Variants in AATF observed in about 807,000 individuals in gnomAD.
The protein encoded by AATF is protein AATF.
A neutral mutation model predicts 63.7 loss-of-function variants in AATF; 48 were observed. The observed-to-expected ratio is 0.75, with a 90% CI of 0.60 to 0.96. AATF has a LOEUF of 0.96. Among genes scored for constraint, AATF ranks in the 40% least tolerant of loss-of-function variants. The pLI is 0.00. For missense variants in AATF, 639 were observed against 685.7 expected (o/e 0.93, Z 0.76); for synonymous variants, 258 against 247.7 (o/e 1.04, Z -0.39).
At chr17:37,041,461 T>G (rs996085991) in intron 11 of AATF, among the ~76,000 whole-genome samples, 1 of 152,224 alleles carries the variant, frequency 6.6e-6, no homozygotes, top group Admixed American at 6.5e-5. Context: ...TCTTTCCAGC[T>G]GAGGCTTATG....
chr17:36,973,268 T>A (rs963257695), intron 4 of AATF, among the ~76,000 whole-genome samples: 1 of 152,196 alleles, frequency 6.6e-6, no homozygotes, highest in Non-Finnish European at 1.5e-5. Flanking sequence ...ATCCTTTTTT[T>A]AAAGGATTTT....
At chr17:37,046,159 A>T (rs1167993272) in intron 11 of AATF, among the ~76,000 whole-genome samples, 1 of 152,162 alleles carries the variant, frequency 6.6e-6, no homozygotes, top group Non-Finnish European at 1.5e-5. Flanking sequence ...GGATGTGAAT[A>T]AAAAAGAATT....
At chr17:36,997,352 T>C (rs182613118) in intron 8 of AATF, among the ~76,000 whole-genome samples, 2 of 152,342 alleles carry the variant, frequency 1.3e-5, no homozygotes, top group South Asian at 2.1e-4. Flanking sequence ...AGGACTGATA[T>C]CCAGCATCTA....
rs542672778 is a variant in AATF at position 36,971,278 on chromosome 17, A to G, written c.833-15339A>G. Among the ~76,000 whole-genome samples the G allele has an allele frequency of 5.9e-5, 9 of 152,362 alleles. No homozygotes were observed. The South Asian group carries it at 1.9e-3, about 32-fold the overall frequency. On this transcript the variant is annotated intron_variant, in intron 4 of 11. Coordinates refer to ENST00000619387, the MANE Select transcript of AATF (RefSeq NM_012138.4). ...TGGGCAAAAGATTGGACACTTTACCAAAGACAATATATGATAGCAAATAAG... is the reference window on the plus strand; with the variant it reads ...TGGGCAAAAGATTGGACACTTTACCGAAGACAATATATGATAGCAAATAAG...
At chr17:37,044,291 T>C (rs2071670386) in intron 11 of AATF, among the ~76,000 whole-genome samples, 2 of 152,160 alleles carry the variant, frequency 1.3e-5, no homozygotes, top group South Asian at 4.1e-4. Context: ...ATAGGTTAGG[T>C]CTCCATGCTA....
chr17:37,022,493 T>C (rs575194050), intron 10 of AATF, among the ~76,000 whole-genome samples: 2 of 152,348 alleles, frequency 1.3e-5, no homozygotes, highest in East Asian at 1.9e-4. Flanking sequence ...GTCGCTTTTT[T>C]AAAATCTCAG....
rs772583211 is a variant in AATF at position 36,952,990 on chromosome 17, T to A, written c.388T>A (p.Cys130Ser). 1.6e-5 allele frequency: 26 copies of A among 1,613,654 alleles called. No homozygotes were observed. The highest frequency in any genetic ancestry group is 3.3e-4 in the Middle Eastern group (2 of 6,062). Reference protein sequence around the residue: ...DDLGAAEEQECGDHRESKKSR... With the variant: ...DDLGAAEEQESGDHRESKKSR... ...CCTGGGTGCTGCTGAGGAACAGGAG[T>A]GTGGTGATCACAGGGAGAGCAAGAA... is the stretch of plus-strand genomic sequence containing the variant. The change falls in exon 3 of 12, where the codon TGT (cysteine) becomes AGT (serine). Residue 130 changes from cysteine (C) to serine (S), a missense_variant. Coordinates refer to ENST00000619387, the MANE Select transcript of AATF (RefSeq NM_012138.4).
intron 4 of AATF, among the ~76,000 whole-genome samples, chr17:36,961,454 T>A (rs1034235195): frequency 7.2e-5 from 11 of 152,234 alleles, no homozygotes; most frequent in African/African-American, 2.7e-4. Context: ...AATTTCAATA[T>A]GTGATCAATA....
rs1204763742 is a variant in AATF, at chr17:36,989,355, C to G, written c.1258C>G (p.Leu420Val). Residue 420 changes from leucine to valine, a missense_variant, in exon 7 of 12, where the codon CTT (leucine) becomes GTT (valine). By Grantham distance (32) the Leu-to-Val change is conservative (BLOSUM62 1). Transcript: ENST00000619387. ...GACCAAGCGCTCTGTCTATCGAGTT[C>G]TTGGCAAACCTGAGCCAGCAGCTCA... ...TQTKRSVYRV[L>V]GKPEPAAQPV... The G allele has an allele frequency of 3.1e-6, 5 of 1,613,980 alleles. No individual in the cohort carries two copies. The highest frequency in any genetic ancestry group is 1.7e-5 in the Admixed American group (1 of 60,024).
chr17:37,005,118 A>G (rs564811082), intron 8 of AATF, among the ~76,000 whole-genome samples: 36 of 151,516 alleles, frequency 2.4e-4, no homozygotes, highest in Non-Finnish European at 4.9e-4. Flanking sequence ...TGCTACAGAA[A>G]TTTTGTGTTT....
intron 11 of AATF, chr17:37,043,176 A>G (rs2071657766): frequency 6.6e-6 from 1 of 152,170 alleles, no homozygotes; most frequent in Non-Finnish European, 1.5e-5. Context: ...TGCCTCTAGC[A>G]TAAAACCCAG....
chr17:36,970,212 A>G (rs549936239), intron 4 of AATF, among the ~76,000 whole-genome samples: 2 of 152,324 alleles, frequency 1.3e-5, no homozygotes, highest in South Asian at 2.1e-4. Flanking sequence ...CAAAGTGGTT[A>G]TACCATTTTG....
rs776871833 is a variant in AATF, at chr17:36,989,305, AAG to A, written c.1214_1215del (p.Arg405IlefsTer19). The A allele has an allele frequency of 2.2e-5, 36 of 1,613,970 alleles. No individual in the cohort carries two copies. The South Asian group carries it at 3.6e-4, about 16-fold the overall frequency. On this transcript the variant is annotated frameshift_variant, in exon 7 of 12. Transcript: ENST00000619387. LOFTEE classifies it high-confidence loss of function. ...CAGATCGACCATATTCTGATGGACA[AAG>A]AGAGATTACTTCGAAGGACACAGAC...
At chr17:37,019,377 A>G (rs1209296264) in intron 9 of AATF, among the ~76,000 whole-genome samples, 1 of 152,208 alleles carries the variant, frequency 6.6e-6, no homozygotes, top group Non-Finnish European at 1.5e-5. Context: ...ACCAGTGGAT[A>G]CAAAGCAGCC....
At chr17:36,974,218 C>T (rs767845681) in intron 4 of AATF, among the ~76,000 whole-genome samples, 2 of 152,106 alleles carry the variant, frequency 1.3e-5, no homozygotes, top group Non-Finnish European at 2.9e-5. Context: ...TGGCTATGTA[C>T]TTAGAACAAA....
chr17:36,969,594 C>T (rs887634217), intron 4 of AATF, among the ~76,000 whole-genome samples: 4 of 152,190 alleles, frequency 2.6e-5, no homozygotes, highest in African/African-American at 4.8e-5. Flanking sequence ...GCTAGCACCC[C>T]AGTCATCTTG....
At chr17:36,988,080 G>A (rs1159151053) in intron 5 of AATF, among the ~76,000 whole-genome samples, 1 of 152,172 alleles carries the variant, frequency 6.6e-6, no homozygotes, top group Non-Finnish European at 1.5e-5. Flanking sequence ...TTGGGAGGCC[G>A]AGGCAGGTGG....
chr17:37,015,637 C>T (rs1481501830), intron 8 of AATF, among the ~76,000 whole-genome samples: 1 of 152,192 alleles, frequency 6.6e-6, no homozygotes, highest in Admixed American at 6.5e-5. Flanking sequence ...AAGTGTTCAA[C>T]ATACGGATTT....
At chr17:36,978,580 C>T (rs182728267) in intron 4 of AATF, among the ~76,000 whole-genome samples, 2 of 152,162 alleles carry the variant, frequency 1.3e-5, no homozygotes, top group East Asian at 3.9e-4. Flanking sequence ...CACCAACAAA[C>T]TGGGACAGAA....
Sources: gnomAD v4.1 joint callset for allele counts (sites outside exome capture counted in the v4.1 genomes callset) on GRCh38, gnomAD v4.1.1 for gene constraint, MANE v1.5 for transcripts, NCBI Gene and HGNC (gene_info 2026-07-23, HGNC 2026-07-21) for gene names.